Variants in KLHL22 observed in about 807,000 individuals in gnomAD.
KLHL22 encodes the protein kelch like family member 22, also known as kelch-like protein 22.
KLHL22 carries 18 observed loss-of-function variants against 60.7 expected under a neutral mutation model. The observed-to-expected ratio is 0.30, with a 90% CI of 0.20 to 0.44. The LOEUF (loss-of-function observed/expected upper bound fraction) is 0.44, where lower values mean the gene tolerates loss of function less well. Ranked by LOEUF, KLHL22 falls within the 20% of genes least tolerant of loss-of-function variation. The probability of loss-of-function intolerance (pLI) is 1.00; values close to 1 mark genes in which losing one functional copy is unlikely to be tolerated. For synonymous variants in KLHL22, 355 were observed against 354.5 expected (o/e 1.00, Z -0.01); for missense variants, 596 against 852.3 (o/e 0.70, Z 3.74).
At chr22:20,453,354 T>C (rs2053009838) in intron 5 of KLHL22, among the ~76,000 whole-genome samples, 1 of 152,174 alleles carries the variant, frequency 6.6e-6, no homozygotes, top group Non-Finnish European at 1.5e-5. Flanking sequence ...TTGATATCCA[T>C]TTTTTTGCCG....
intron 6 of KLHL22, among the ~76,000 whole-genome samples, chr22:20,443,513 G>A (rs1014555486): frequency 1.3e-5 from 2 of 149,874 alleles, no homozygotes; most frequent in African/African-American, 4.9e-5. Flanking sequence ...GGCCAAGGCG[G>A]GCTGATCACA....
rs201054296 is a variant in KLHL22 at position 20,441,647 on chromosome 22, C to G, written c.*426G>C. On this transcript the variant is annotated 3_prime_UTR_variant, in exon 7 of 7. Transcript: ENST00000328879. The stretch of plus-strand genomic sequence containing the variant: ...GAGCTGATGCATCTCTGCTCCTCTG[C>G]CCCTCAGGAGCTCTCATCCTCCAAC... The G allele has an allele frequency of 2.3e-4, 44 of 190,504 alleles. No homozygotes were observed. Among genetic ancestry groups the G allele is most frequent in the Middle Eastern group, 9.9e-4 (2 of 2,026 alleles). The allele number at this position is 190,504 out of a possible 1,614,324, so 11.8% of individuals were successfully genotyped here.
chr22:20,482,630 T>C lies in KLHL22; in HGVS notation c.227+6355A>G, dbSNP rs535587739. 2.0e-5 allele frequency among the ~76,000 whole-genome samples: 3 copies of C among 152,216 alleles called. No homozygotes were observed. In the South Asian group the frequency reaches 6.2e-4, roughly 32 times the overall value. On this transcript the variant is annotated intron_variant, in intron 2 of 6. Transcript: ENST00000328879. ...CTCTGTCGCCCAGGCTGGTGTGCAG[T>C]GGTGCGATCTCGGCTCACTGCAACC...
intron 2 of KLHL22, among the ~76,000 whole-genome samples, chr22:20,480,107 C>T (rs912891902): frequency 2.6e-5 from 4 of 152,136 alleles, no homozygotes; most frequent in African/African-American, 9.7e-5. Flanking sequence ...TGATAAAGGG[C>T]TAATGCTGTA....
intron 5 of KLHL22, chr22:20,451,919 T>C: frequency 1.8e-6 from 2 of 1,126,936 alleles, no homozygotes; most frequent in South Asian, 2.8e-5. Context: ...TTTCTCACTA[T>C]GTGCACAGGG....
chr22:20,461,744 C>G (rs1421584483), intron 4 of KLHL22, among the ~76,000 whole-genome samples: 1 of 152,034 alleles, frequency 6.6e-6, no homozygotes, highest in African/African-American at 2.4e-5. Context: ...AGGCGGATCA[C>G]CTGAAGTCAG....
At chr22:20,461,386 T>C (rs1361903921) in intron 4 of KLHL22, among the ~76,000 whole-genome samples, 1 of 151,804 alleles carries the variant, frequency 6.6e-6, no homozygotes, top group African/African-American at 2.4e-5. Flanking sequence ...ACCCCGTCTC[T>C]ACTAAAAATA....
intron 1 of KLHL22, among the ~76,000 whole-genome samples, chr22:20,494,665 C>T (rs1284057722): frequency 6.6e-6 from 1 of 152,208 alleles, no homozygotes; most frequent in Non-Finnish European, 1.5e-5. Flanking sequence ...GCATGAGCCA[C>T]CGCGCCCGCC....
rs2146301922 is a variant in KLHL22 at position 20,495,573 on chromosome 22, G to C, written c.-34+187C>G. Among the ~76,000 whole-genome samples the C allele has an allele frequency of 6.6e-6, 1 of 150,584 alleles. No homozygotes were observed. The highest frequency in any genetic ancestry group is 1.9e-4 in the East Asian group (1 of 5,140). Reference sequence around the variant, plus strand: ...CCCGCGCCCGGGGATCCCGCCGGCCGCGTCCCCGCCACGTCAGGCCGCGGG... The same window carrying C: ...CCCGCGCCCGGGGATCCCGCCGGCCCCGTCCCCGCCACGTCAGGCCGCGGG... On this transcript the variant is annotated intron_variant, in intron 1 of 6. Transcript: ENST00000328879. The surrounding 1 kb of genome is among the most constrained non-coding windows in gnomAD (Gnocchi z 4.6).
intron 2 of KLHL22, among the ~76,000 whole-genome samples, chr22:20,487,891 CTA>C (rs2053612382): frequency 6.6e-6 from 1 of 152,150 alleles, no homozygotes; most frequent in African/African-American, 2.4e-5. Flanking sequence ...CCATCCTCTC[CTA>C]TACAGGTCCT....
intron 2 of KLHL22, among the ~76,000 whole-genome samples, chr22:20,485,840 C>A (rs2053576120): frequency 6.6e-6 from 1 of 151,584 alleles, no homozygotes; most frequent in African/African-American, 2.4e-5. Flanking sequence ...TGCACTTCAG[C>A]CTGGGGGACA....
Position 20,485,034 on chromosome 22 carries a change from C to T in KLHL22, c.227+3951G>A, listed in dbSNP as rs371192629. Among the ~76,000 whole-genome samples the T allele has an allele frequency of 2.9e-3, 444 of 152,222 alleles. 1 individual carries two copies. The highest frequency in any genetic ancestry group is 9.9e-3 in the African/African-American group (411 of 41,532). On this transcript the variant is annotated intron_variant, in intron 2 of 6. Transcript: ENST00000328879. ...TGTGTTTTGTGGGGAATACAACTTT[C>T]TCTCTCTTTTGGGGATAAAGTGCTA...
chr22:20,461,816 T>C (rs2053159881), intron 4 of KLHL22, among the ~76,000 whole-genome samples: 1 of 151,146 alleles, frequency 6.6e-6, no homozygotes, highest in Non-Finnish European at 1.5e-5. Context: ...TACAAAAAAA[T>C]GGCCGGGCGT....
chr22:20,464,027 AG>A (rs1489209833), intron 4 of KLHL22, among the ~76,000 whole-genome samples: 1 of 152,178 alleles, frequency 6.6e-6, no homozygotes, highest in African/African-American at 2.4e-5. Flanking sequence ...TTCAGCATGA[AG>A]GGTAGGGAGA....
rs2053218261 is a variant in KLHL22, at chr22:20,465,360, G to A, written c.610C>T (p.Arg204Cys). 1 of 1,614,072 alleles carries A rather than the reference G, an allele frequency of 6.2e-7. No homozygotes were observed. The highest frequency in any genetic ancestry group is 2.2e-5 in the East Asian group (1 of 44,888). ...TCGGTCTCGCAGGAGACCTCCAGGC[G>A]ATTGCTGCTGAGGAGGGAGTAGACC... ...EKVYSLLSSN[R>C]LEVSCETEVY... Residue 204 changes from arginine (R) to cysteine (C), a missense_variant, in exon 4 of 7, where the codon CGC becomes TGC. Transcript: ENST00000328879. This position sits in a 1 kb window ranked among gnomAD's most constrained non-coding sequence, Gnocchi z 4.9.
intron 5 of KLHL22, chr22:20,451,290 G>A (rs1189141736): frequency 5.5e-5 from 89 of 1,607,282 alleles, no homozygotes; most frequent in Middle Eastern, 3.3e-4. Flanking sequence ...ATGGAAGCAG[G>A]CGTCACACCA....
chr22:20,481,591 A>C (rs916697738), intron 2 of KLHL22, among the ~76,000 whole-genome samples: 1 of 152,128 alleles, frequency 6.6e-6, no homozygotes, highest in Admixed American at 6.5e-5. Flanking sequence ...AAAAAATTAA[A>C]AAAAAATTTT....
At position 20,464,996 on chromosome 22, in the gene KLHL22, A is replaced by C; in HGVS notation, c.974T>G (p.Leu325Arg). The change falls in exon 4 of 7, where the codon CTG becomes CGG. Residue 325 changes from leucine to arginine, a missense_variant. Physicochemically the swap from Leu to Arg is moderately radical, Grantham distance 102. Coordinates refer to ENST00000328879, the MANE Select transcript of KLHL22 (RefSeq NM_032775.4). ...GGCAGTGAAGTGCTTCCACTCTCCC[A>C]GTAAGGGGTTTAGATACTTGGCCTG... The part of the protein sequence containing the change: ...SDQAKYLNPL[L>R]GEWKHFTASL... 6.2e-7 allele frequency: 1 copy of C among 1,611,904 alleles called. No individual in the cohort carries two copies.
chr22:20,483,588 G>T, intron 2 of KLHL22: 1 of 727,078 alleles, frequency 1.4e-6, no homozygotes. Flanking sequence ...ACTAGTGCAT[G>T]GGCAGTTCTG....
Sources: gnomAD v4.1 joint callset for allele counts (sites outside exome capture counted in the v4.1 genomes callset) on GRCh38, gnomAD v4.1.1 for gene constraint, Gnocchi (gnomAD v3.1) non-coding constraint, MANE v1.5 for transcripts, NCBI Gene and HGNC (gene_info 2026-07-23, HGNC 2026-07-21) for gene names.